PIP4P2: variants seen among roughly 807,000 people sequenced by gnomAD.
PIP4P2 encodes the protein type 2 phosphatidylinositol 4,5-bisphosphate 4-phosphatase.
A neutral mutation model predicts 33.3 loss-of-function variants in PIP4P2; 19 were observed. That is an observed-to-expected ratio of 0.57 (90% CI 0.40 to 0.84). The LOEUF (loss-of-function observed/expected upper bound fraction) is 0.84. Ranked by LOEUF, PIP4P2 falls within the 40% of genes least tolerant of loss-of-function variation. PIP4P2 has a pLI of 0.00. For missense variants in PIP4P2, 270 were observed against 324.7 expected (o/e 0.83, Z 1.29); for synonymous variants, 110 against 111.9 (o/e 0.98, Z 0.11).
At chr8:91,026,158 A>G (rs1305759803) in intron 1 of PIP4P2, among the ~76,000 whole-genome samples, 1 of 152,112 alleles carries the variant, frequency 6.6e-6, no homozygotes, top group Non-Finnish European at 1.5e-5. Flanking sequence ...AGGAGGTGAT[A>G]TTGGGAGGCT....
intron 5 of PIP4P2, among the ~76,000 whole-genome samples, chr8:90,999,061 TAAAC>T (rs770812037): frequency 5.3e-5 from 8 of 151,088 alleles, no homozygotes; most frequent in Non-Finnish European, 8.9e-5. Flanking sequence ...TATAAGAACT[TAAAC>T]AAGAAAAAAA....
At chr8:91,007,411 T>TA (rs920866383) in intron 5 of PIP4P2, among the ~76,000 whole-genome samples, 1 of 152,210 alleles carries the variant, frequency 6.6e-6, no homozygotes, top group African/African-American at 2.4e-5. Context: ...CTTTCTCCTA[T>TA]AAACCATTCT....
chr8:91,011,282 C>G (rs1203372898), intron 4 of PIP4P2, among the ~76,000 whole-genome samples: 1 of 151,994 alleles, frequency 6.6e-6, no homozygotes, highest in Non-Finnish European at 1.5e-5. Context: ...TGTTGATTAA[C>G]AAAGTATCTG....
At position 90,995,537 on chromosome 8, in the gene PIP4P2, A is replaced by G; in HGVS notation, c.*140T>C. The G allele has an allele frequency of 9.2e-7, 1 of 1,081,226 alleles. No homozygotes were observed. 67.0% of individuals were successfully genotyped at this position (1,081,226 alleles called of 1,614,324 possible). On this transcript the variant is annotated 3_prime_UTR_variant, in exon 7 of 7. Coordinates refer to ENST00000285419, the MANE Select transcript of PIP4P2 (RefSeq NM_018710.3). ...AATATAGTGCAATGAGCATTTGTTC[A>G]TAAAAGACTCCCAAAGTCTTGAAAC...
chr8:91,009,353 T>C (rs886602164), intron 4 of PIP4P2, among the ~76,000 whole-genome samples: 10 of 152,070 alleles, frequency 6.6e-5, no homozygotes, highest in African/African-American at 9.6e-5. Context: ...GTAATAAATG[T>C]GCTACCTTCC....
chr8:91,020,801 C>T (rs150414160), intron 2 of PIP4P2, among the ~76,000 whole-genome samples: 191 of 152,174 alleles, frequency 1.3e-3, no homozygotes, highest in African/African-American at 4.3e-3. Context: ...ATAATAAATG[C>T]ATAATCACAA....
chr8:91,001,276 T>G (rs1811695346), intron 5 of PIP4P2, among the ~76,000 whole-genome samples: 1 of 152,094 alleles, frequency 6.6e-6, no homozygotes. Flanking sequence ...GATTTTTCTT[T>G]AATTTTATGC....
At chr8:91,027,861 T>C (rs537661224) in intron 1 of PIP4P2, among the ~76,000 whole-genome samples, 52 of 152,286 alleles carry the variant, frequency 3.4e-4, no homozygotes, top group Non-Finnish European at 7.2e-4. Flanking sequence ...CATACCTCAC[T>C]ACCTCCCCTG....
chr8:91,028,251 C>T (rs1812109564), intron 1 of PIP4P2, among the ~76,000 whole-genome samples: 1 of 152,060 alleles, frequency 6.6e-6, no homozygotes, highest in Non-Finnish European at 1.5e-5. Flanking sequence ...ACCAGCAACC[C>T]AACTTTGGTA....
intron 1 of PIP4P2, among the ~76,000 whole-genome samples, chr8:91,023,289 C>T (rs542651202): frequency 1.3e-5 from 2 of 151,758 alleles, no homozygotes; most frequent in Admixed American, 6.6e-5. Flanking sequence ...ATAGTTCTCT[C>T]GTAATCCCAG....
In PIP4P2 at chr8:91,040,850, A is replaced by AGCT. The variant is rs896802613; in HGVS notation, c.-104_-102dup. The AGCT allele has an allele frequency of 1.3e-5, 13 of 1,019,472 alleles. No individual in the cohort carries two copies. The highest frequency in any genetic ancestry group is 6.8e-5 in the Admixed American group (3 of 44,354). The allele number at this position is 1,019,472 out of a possible 1,614,324, so 63.2% of individuals were successfully genotyped here. ...CCTCTGCTGCCGCTGCTGCCGCTGCAGCTGCTGCTGCTGCCGCCTCCGGGA... is the reference window on the plus strand; with the variant it reads ...CCTCTGCTGCCGCTGCTGCCGCTGCAGCTGCTGCTGCTGCTGCCGCCTCCGGGA... On this transcript the variant is annotated 5_prime_UTR_variant, in exon 1 of 7. Transcript: ENST00000285419.
intron 4 of PIP4P2, among the ~76,000 whole-genome samples, chr8:91,017,042 A>G (rs1271788471): frequency 6.6e-6 from 1 of 152,230 alleles, no homozygotes; most frequent in Non-Finnish European, 1.5e-5. Flanking sequence ...TTAATTAAAC[A>G]AAATGTTGCA....
intron 4 of PIP4P2, among the ~76,000 whole-genome samples, chr8:91,013,316 G>C (rs556938589): frequency 6.6e-6 from 1 of 152,086 alleles, no homozygotes; most frequent in Non-Finnish European, 1.5e-5. Context: ...AAGATAAAAC[G>C]TAACAAGAAA....
At chr8:91,005,551 C>T (rs1429569146) in intron 5 of PIP4P2, among the ~76,000 whole-genome samples, 1 of 152,092 alleles carries the variant, frequency 6.6e-6, no homozygotes, top group Admixed American at 6.6e-5. Flanking sequence ...CCCACTATGC[C>T]CACAAGACTA....
chr8:91,038,237 A>C (rs1349941123), intron 1 of PIP4P2, among the ~76,000 whole-genome samples: 1 of 152,206 alleles, frequency 6.6e-6, no homozygotes, highest in Non-Finnish European at 1.5e-5. Flanking sequence ...TTCATCTTGG[A>C]GGTGGGAACT....
Position 91,033,552 on chromosome 8 carries a change from C to T in PIP4P2, c.106+7092G>A, listed in dbSNP as rs78574351. 4.0e-3 allele frequency among the ~76,000 whole-genome samples: 614 copies of T among 152,298 alleles called. 1 individual carries two copies. Among genetic ancestry groups the T allele is most frequent in the Non-Finnish European group, 6.5e-3 (439 of 68,018 alleles). On this transcript the variant is annotated intron_variant, in intron 1 of 6. Transcript: ENST00000285419. ...TCATGTCTCATTAGTCTGTTCTCCTCCACATGCCAACCAAGGGTGATTTTT... is the reference window on the plus strand; with the variant it reads ...TCATGTCTCATTAGTCTGTTCTCCTTCACATGCCAACCAAGGGTGATTTTT...
chr8:91,018,546 C>A (rs1811953400), intron 3 of PIP4P2, 33 bp from the exon 4 acceptor site: 6 of 1,613,040 alleles, frequency 3.7e-6, no homozygotes, highest in South Asian at 1.1e-5. Flanking sequence ...ACTTCACTAT[C>A]CCACAAATGG....
intron 6 of PIP4P2, 67 bp from the exon 7 acceptor site, chr8:90,995,887 G>GT: frequency 6.7e-7 from 1 of 1,482,314 alleles, no homozygotes; most frequent in Non-Finnish European, 9.0e-7. Flanking sequence ...TAGGGAACTT[G>GT]TATCAGCTTA....
At chr8:91,007,838 A>C (rs533391945) in intron 5 of PIP4P2, among the ~76,000 whole-genome samples, 1 of 152,310 alleles carries the variant, frequency 6.6e-6, no homozygotes, top group South Asian at 2.1e-4. Flanking sequence ...AATTCCATTC[A>C]AACAGGAATT....
Sources: gnomAD v4.1 joint callset for allele counts (sites outside exome capture counted in the v4.1 genomes callset) on GRCh38, gnomAD v4.1.1 for gene constraint, MANE v1.5 for transcripts, NCBI Gene and HGNC (gene_info 2026-07-23, HGNC 2026-07-21) for gene names.